ARHGEF18: variants seen among roughly 807,000 people sequenced by gnomAD.
The protein encoded by ARHGEF18 is rho guanine nucleotide exchange factor 18.
A neutral mutation model predicts 155.7 loss-of-function variants in ARHGEF18; 93 were observed. The ratio of observed to expected loss-of-function variants is 0.60; its 90% CI spans 0.50 to 0.71. ARHGEF18 has a LOEUF of 0.71. Ranked by LOEUF, ARHGEF18 falls within the 30% of genes least tolerant of loss-of-function variation. The pLI, the probability that ARHGEF18 is intolerant of heterozygous loss-of-function variation, is 0.00. For missense variants in ARHGEF18, 1,593 were observed against 1,816.1 expected, an observed-to-expected ratio of 0.88 and a Z score of 2.23; for synonymous variants, 742 against 753.1, an observed-to-expected ratio of 0.99 and a Z score of 0.24.
At chr19:7,447,668 C>T (rs982305601) in intron 15 of ARHGEF18, among the ~76,000 whole-genome samples, 3 of 152,070 alleles carry the variant, frequency 2.0e-5, no homozygotes, top group Admixed American at 6.6e-5. Context: ...ATTCAGAACA[C>T]GTCAGTGAAA....
At chr19:7,387,480 T>A (rs76047772) in intron 10 of ARHGEF18, among the ~76,000 whole-genome samples, 3 of 152,038 alleles carry the variant, frequency 2.0e-5, no homozygotes, top group South Asian at 2.1e-4. Flanking sequence ...GTTTTTTTGT[T>A]TGTTTGCATA....
At chr19:7,375,597 G>C in intron 3 of ARHGEF18, 123 bp from the exon 4 acceptor site, 1 of 1,007,624 alleles carries the variant, frequency 9.9e-7, no homozygotes, top group Non-Finnish European at 1.3e-6. Flanking sequence ...TCTGTGGCTT[G>C]CGCACCCTTC....
chr19:7,423,900 G>A (rs1973505052), intron 10 of ARHGEF18, among the ~76,000 whole-genome samples: 1 of 152,030 alleles, frequency 6.6e-6, no homozygotes, highest in Non-Finnish European at 1.5e-5. Context: ...TGTTCTAGTG[G>A]CTCTAGTAGA....
chr19:7,426,625 A>C (rs1973683445), intron 10 of ARHGEF18, among the ~76,000 whole-genome samples: 1 of 152,106 alleles, frequency 6.6e-6, no homozygotes, highest in Non-Finnish European at 1.5e-5. Context: ...CCTCCACCTC[A>C]GTTTTCCCCT....
Position 7,466,959 on chromosome 19 carries a change from C to G in ARHGEF18, c.2946C>G (p.Thr982=). 1 of 1,613,494 alleles carries G rather than the reference C, an allele frequency of 6.2e-7. No homozygotes were observed. Among genetic ancestry groups the G allele is most frequent in the South Asian group, 1.1e-5 (1 of 91,084 alleles). Residue 982 remains threonine, a synonymous_variant, in exon 24 of 29, where the codon ACC becomes ACG. Transcript: ENST00000668164. Reference sequence around the variant, plus strand: ...CGGAATCCGATCCCCGTCTGCCCACCGTCCTGGAGTCGGAGGTAGGCGCCC... The same window carrying G: ...CGGAATCCGATCCCCGTCTGCCCACGGTCCTGGAGTCGGAGGTAGGCGCCC... The part of the protein sequence containing the change: ...PGTESDPRLP[T]VLESELVQRI...
intron 10 of ARHGEF18, among the ~76,000 whole-genome samples, chr19:7,428,408 T>C (rs1973775833): frequency 6.6e-6 from 1 of 152,128 alleles, no homozygotes; most frequent in Non-Finnish European, 1.5e-5. Flanking sequence ...AGATTTTCTT[T>C]CTTCTGAAAT....
intron 10 of ARHGEF18, among the ~76,000 whole-genome samples, chr19:7,434,164 C>CA (rs1444597021): frequency 6.6e-6 from 1 of 151,604 alleles, no homozygotes; most frequent in East Asian, 1.9e-4. Context: ...TTTAAAAAAA[C>CA]AAAAAATTTA....
Position 7,402,097 on chromosome 19 carries a change from G to T in ARHGEF18, c.967+18894G>T, listed in dbSNP as rs144057856. On this transcript the variant is annotated intron_variant, in intron 10 of 28. Coordinates refer to ENST00000668164, the MANE Select transcript of ARHGEF18 (RefSeq NM_001367823.1). ...GGGGAGTAATGGCCAAGGTAATGGG[G>T]TTTCTTTTTGAGGTGATGAAGGCAT... 8.8e-3 allele frequency among the ~76,000 whole-genome samples: 1,341 copies of T among 152,248 alleles called. 17 individuals are homozygous for T. The highest frequency in any genetic ancestry group is 0.014 in the Non-Finnish European group (924 of 68,012).
Position 7,372,994 on chromosome 19 carries a change from C to T in ARHGEF18, c.198C>T (p.Ser66=), listed in dbSNP as rs1970271240. ...AACCAGGAAGAGATTCTCTTTTCTC[C>T]AGCTTGGCAGGGTCCCAAGACCTGT... The part of the protein sequence containing the change: ...GEEPGRDSLF[S]SLAGSQDLSR... Residue 66 remains serine, a synonymous_variant, in exon 3 of 29, where the codon TCC becomes TCT. Coordinates refer to ENST00000668164, the MANE Select transcript of ARHGEF18 (RefSeq NM_001367823.1). 1 of 1,234,354 alleles carries T rather than the reference C, an allele frequency of 8.1e-7. No individual in the cohort carries two copies. Among genetic ancestry groups the T allele is most frequent in the East Asian group, 3.2e-5 (1 of 31,722 alleles). The allele number at this position is 1,234,354 out of a possible 1,614,324, so 76.5% of individuals were successfully genotyped here. A position where few individuals can be genotyped will look rare whatever the true frequency, so the allele number is the denominator to read the frequency against.
intron 16 of ARHGEF18, among the ~76,000 whole-genome samples, chr19:7,452,092 C>G (rs1287699212): frequency 6.6e-6 from 1 of 152,240 alleles, no homozygotes; most frequent in East Asian, 1.9e-4. Context: ...AGCCAGGTCT[C>G]ATTTGCCAAC....
intron 10 of ARHGEF18, among the ~76,000 whole-genome samples, chr19:7,406,480 A>G (rs1207390397): frequency 6.6e-6 from 1 of 152,176 alleles, no homozygotes; most frequent in African/African-American, 2.4e-5. Flanking sequence ...AGTCTGTCAA[A>G]TGTCTGGCCG....
At chr19:7,429,323 C>T (rs1201104837) in intron 10 of ARHGEF18, among the ~76,000 whole-genome samples, 1 of 152,178 alleles carries the variant, frequency 6.6e-6, no homozygotes, top group African/African-American at 2.4e-5. Flanking sequence ...AAACAGAAGG[C>T]CAGGTGTGGC....
downstream of ARHGEF18, chr19:7,472,764 T>A (rs10421453): frequency 0.76 from 261,944 of 346,340 alleles, 99,653 homozygotes; most frequent in East Asian, 0.86. Flanking sequence ...CAGTGGCAGG[T>A]TCTCAGCTCA....
Position 7,400,638 on chromosome 19 carries a change from G to A in ARHGEF18, c.967+17435G>A, listed in dbSNP as rs986546448. 3.3e-5 allele frequency among the ~76,000 whole-genome samples: 5 copies of A among 152,156 alleles called. No individual in the cohort carries two copies. The South Asian group carries it at 1.0e-3, about 32-fold the overall frequency. Reference sequence around the variant, plus strand: ...ACTTCAGGCCAGGAGTTCAAGACCAGCCTGGATAGCATAGCAAGAATCCTA... The same window carrying A: ...ACTTCAGGCCAGGAGTTCAAGACCAACCTGGATAGCATAGCAAGAATCCTA... On this transcript the variant is annotated intron_variant, in intron 10 of 28. Transcript: ENST00000668164.
At chr19:7,421,353 AGT>A (rs1348472589) in intron 10 of ARHGEF18, among the ~76,000 whole-genome samples, 1 of 152,188 alleles carries the variant, frequency 6.6e-6, no homozygotes, top group African/African-American at 2.4e-5. Flanking sequence ...CCAAAAATAC[AGT>A]GTTCTCAGGA....
intron 1 of ARHGEF18, 73 bp from the exon 2 acceptor site, chr19:7,362,708 T>C (rs537361951): frequency 4.9e-6 from 6 of 1,215,864 alleles, no homozygotes; most frequent in East Asian, 3.2e-5. Context: ...CAGCAACAGA[T>C]GCAGAATCCA....
intron 1 of ARHGEF18, among the ~76,000 whole-genome samples, chr19:7,359,072 G>A (rs2060817297): frequency 1.3e-5 from 2 of 152,164 alleles, no homozygotes; most frequent in African/African-American, 2.4e-5. Flanking sequence ...CAGGAAGAGT[G>A]GTAGGAACAG....
At chr19:7,354,633 T>C (rs576004926) in intron 1 of ARHGEF18, among the ~76,000 whole-genome samples, 1 of 151,724 alleles carries the variant, frequency 6.6e-6, no homozygotes, top group South Asian at 2.1e-4. Flanking sequence ...GTGATGTGGC[T>C]CAATGCCTGC....
rs1266392821 is a variant in ARHGEF18, at chr19:7,456,783, G to A, written c.2181+380G>A. Reference sequence around the variant, plus strand: ...CAAACAAACAAAAAACAGACGAAGGGCCCTGCTTGCTGTGACCTTGTTGGG... The same window carrying A: ...CAAACAAACAAAAAACAGACGAAGGACCCTGCTTGCTGTGACCTTGTTGGG... On this transcript the variant is annotated intron_variant, in intron 18 of 28. Coordinates refer to ENST00000668164, the MANE Select transcript of ARHGEF18 (RefSeq NM_001367823.1). 3.3e-5 allele frequency among the ~76,000 whole-genome samples: 5 copies of A among 152,252 alleles called. No individual in the cohort carries two copies. In the East Asian group the frequency reaches 7.7e-4, roughly 23 times the overall value.
Sources: gnomAD v4.1 joint callset for allele counts (sites outside exome capture counted in the v4.1 genomes callset) on GRCh38, gnomAD v4.1.1 for gene constraint, MANE v1.5 for transcripts, NCBI Gene and HGNC (gene_info 2026-07-23, HGNC 2026-07-21) for gene names.